Variants in GYG1 observed in about 807,000 individuals in gnomAD.
GYG1 encodes the protein glycogenin-1.
In GYG1, 44 loss-of-function variants were observed where a neutral mutation model predicts 41.9. That is an observed-to-expected ratio of 1.05 (90% CI 0.83 to 1.35). GYG1 has a LOEUF of 1.35. Ranked by LOEUF, GYG1 falls within the 40% of genes most tolerant of loss-of-function variation. GYG1 has a pLI of 0.00. For synonymous variants in GYG1, 141 were observed against 158.1 expected (o/e 0.89, Z 0.81); for missense variants, 429 against 418.9 (o/e 1.02, Z -0.21).
intron 5 of GYG1, among the ~76,000 whole-genome samples, chr3:149,015,886 G>C (rs559627284): frequency 6.6e-6 from 1 of 152,156 alleles, no homozygotes; most frequent in African/African-American, 2.4e-5. Flanking sequence ...GCAGAAAACT[G>C]TGGGGAGATG....
intron 5 of GYG1, 41 bp from the exon 6 acceptor site, chr3:149,024,012 T>C: frequency 7.1e-7 from 1 of 1,406,390 alleles, no homozygotes; most frequent in Non-Finnish European, 1.0e-6. Context: ...TTGTCAGTAC[T>C]CAGAATCCAC....
chr3:149,015,890 G>A (rs1289362507), intron 5 of GYG1, among the ~76,000 whole-genome samples: 1 of 152,150 alleles, frequency 6.6e-6, no homozygotes, highest in East Asian at 1.9e-4. Context: ...AAAACTGTGG[G>A]GAGATGCTGG....
chr3:148,997,696 T>C (rs760712771), intron 4 of GYG1, among the ~76,000 whole-genome samples: 4 of 152,228 alleles, frequency 2.6e-5, no homozygotes, highest in Non-Finnish European at 4.4e-5. Flanking sequence ...TGAAAAATTA[T>C]TTTTGATGGT....
At chr3:149,008,001 A>C (rs1713498785) in intron 4 of GYG1, 1 of 152,220 alleles carries the variant, frequency 6.6e-6, no homozygotes, top group South Asian at 2.1e-4. Flanking sequence ...TGAGGAAGAT[A>C]TGAAGTCCAG....
chr3:149,001,488 T>C, intron 4 of GYG1: 1 of 152,320 alleles, frequency 6.6e-6, no homozygotes, highest in Non-Finnish European at 1.5e-5. Context: ...TCATGAACCC[T>C]GTGAGAAATA....
intron 1 of GYG1, chr3:148,992,542 G>A (rs1280867915): frequency 6.6e-6 from 1 of 152,272 alleles, no homozygotes; most frequent in Non-Finnish European, 1.5e-5. Context: ...CTTGCTTCCA[G>A]AAATCCTTGA....
At chr3:149,001,593 G>A (rs1231040490) in intron 4 of GYG1, 1 of 152,164 alleles carries the variant, frequency 6.6e-6, no homozygotes, top group East Asian at 1.9e-4. Context: ...AGTCCTGTGA[G>A]GTAGGCATTC....
Position 149,028,618 on chromosome 3 carries a change from AT to A in GYG1, c.*1691del, listed in dbSNP as rs1317574797. Among the ~76,000 whole-genome samples, 1 of 151,600 alleles carries A rather than the reference AT, an allele frequency of 6.6e-6. No individual in the cohort carries two copies. Among genetic ancestry groups the A allele is most frequent in the African/African-American group, 2.4e-5 (1 of 41,254 alleles). ...GGCCATTCAGTTGCATTCAACGTTAATTTTTTCTATTTACTACCGTTCATTC... is the reference window on the plus strand; with the variant it reads ...GGCCATTCAGTTGCATTCAACGTTAATTTTTCTATTTACTACCGTTCATTC... On this transcript the variant is annotated 3_prime_UTR_variant, in exon 8 of 8. Transcript: ENST00000345003.
At position 149,029,825 on chromosome 3, in the gene GYG1, G is replaced by C. The variant is rs911334299; in HGVS notation, c.*2892G>C. ...GACAAAATGTACAATGATTGATTAA[G>C]AGTGCTATCTGTGTATATATAGGTA... On this transcript the variant is annotated 3_prime_UTR_variant, in exon 8 of 8. Coordinates refer to ENST00000345003, the MANE Select transcript of GYG1 (RefSeq NM_004130.4). 2.6e-5 allele frequency among the ~76,000 whole-genome samples: 4 copies of C among 152,186 alleles called. No homozygotes were observed. Among genetic ancestry groups the C allele is most frequent in the African/African-American group, 9.6e-5 (4 of 41,452 alleles).
In GYG1 at chr3:149,027,781, TG is replaced by T. The variant is rs1448235318; in HGVS notation, c.*849del. ...TATATGCTTTAAAAACTGGTATCTA[TG>T]ATTTCAATCTAATTGTTTTTCTGTG... On this transcript the variant is annotated 3_prime_UTR_variant, in exon 8 of 8. Coordinates refer to ENST00000345003, the MANE Select transcript of GYG1 (RefSeq NM_004130.4). 1 of 152,230 alleles carries T rather than the reference TG, an allele frequency of 6.6e-6. No individual in the cohort carries two copies. The highest frequency in any genetic ancestry group is 1.5e-5 in the Non-Finnish European group (1 of 68,038). 9.4% of individuals were successfully genotyped at this position (152,230 alleles called of 1,614,324 possible).
At chr3:149,024,325 T>C in intron 6 of GYG1, 53 bp downstream of exon 6, 2 of 1,083,296 alleles carry the variant, frequency 1.8e-6, no homozygotes, top group Non-Finnish European at 2.9e-6. Context: ...TTAAAAAAAT[T>C]GTTGTATCAA....
chr3:149,031,518 T>G lies in GYG1; in HGVS notation c.*4585T>G, dbSNP rs979546998. On this transcript the variant is annotated 3_prime_UTR_variant, in exon 8 of 8. Transcript: ENST00000345003. ...TGCCTCTCACTCCCACAGACTATAT[T>G]TATACCTCAGACACAGCAAGTTACA... 6.6e-6 allele frequency: 1 copy of G among 152,596 alleles called. No homozygotes were observed. The highest frequency in any genetic ancestry group is 2.4e-5 in the African/African-American group (1 of 41,448). The allele number at this position is 152,596 out of a possible 1,614,324, so 9.5% of individuals were successfully genotyped here.
intron 5 of GYG1, among the ~76,000 whole-genome samples, chr3:149,019,074 A>G (rs1231783067): frequency 6.6e-6 from 1 of 151,648 alleles, no homozygotes; most frequent in Non-Finnish European, 1.5e-5. Flanking sequence ...GTCTTAAAAA[A>G]AAAAAAAAAA....
intron 5 of GYG1, among the ~76,000 whole-genome samples, chr3:149,017,000 G>GT (rs1305422144): frequency 1.3e-5 from 2 of 152,206 alleles, no homozygotes; most frequent in Non-Finnish European, 2.9e-5. Flanking sequence ...GTCTTTCTCG[G>GT]TATCTGACTG....
chr3:148,991,970 G>C (rs1374711723), intron 1 of GYG1, among the ~76,000 whole-genome samples: 1 of 152,194 alleles, frequency 6.6e-6, no homozygotes, highest in South Asian at 2.1e-4. Context: ...GCCGTGTGGG[G>C]GTGGGGAGCC....
intron 4 of GYG1, among the ~76,000 whole-genome samples, chr3:149,006,080 C>CTTTTTTTTT (rs34268321): frequency 4.3e-5 from 5 of 117,204 alleles, no homozygotes; most frequent in Non-Finnish European, 6.9e-5. Context: ...TCATCATATT[C>CTTTTTTTTT]TTTTTTTTTT....
chr3:149,018,230 A>T (rs544912612), intron 5 of GYG1, among the ~76,000 whole-genome samples: 11 of 152,322 alleles, frequency 7.2e-5, no homozygotes, highest in African/African-American at 2.6e-4. Flanking sequence ...TAATATCTAG[A>T]TTGAAACTCT....
In GYG1 at chr3:149,030,543, T is replaced by C. The variant is rs1252111010; in HGVS notation, c.*3610T>C. 6.6e-6 allele frequency: 1 copy of C among 152,224 alleles called. No homozygotes were observed. The highest frequency in any genetic ancestry group is 2.4e-5 in the African/African-American group (1 of 41,462). The allele number at this position is 152,224 out of a possible 1,614,324, so 9.4% of individuals were successfully genotyped here. ...TTGTAAGCAGAAAGAGTAGACTGTG[T>C]TGTTTTTTGCCAAAAACTGTTTATA... On this transcript the variant is annotated 3_prime_UTR_variant, in exon 8 of 8. Transcript: ENST00000345003.
intron 5 of GYG1, among the ~76,000 whole-genome samples, chr3:149,018,128 G>A (rs1256887331): frequency 6.6e-6 from 1 of 152,082 alleles, no homozygotes; most frequent in East Asian, 1.9e-4. Context: ...TTTCATAAAT[G>A]ACTAAAGGGT....
Sources: allele counts gnomAD v4.1 joint callset (sites outside exome capture counted in the v4.1 genomes callset), GRCh38; gene constraint gnomAD v4.1.1; transcripts MANE v1.5; gene names NCBI Gene and HGNC (gene_info 2026-07-23, HGNC 2026-07-21).